ASIC2: variants seen among roughly 807,000 people sequenced by gnomAD.
ASIC2 encodes the protein acid-sensing ion channel 2.
ASIC2 carries 25 observed loss-of-function variants against 57.3 expected under a neutral mutation model. The observed-to-expected ratio is 0.44, with a 90% confidence interval of 0.32 to 0.61. ASIC2 has a LOEUF of 0.61. Ranked by LOEUF, ASIC2 falls within the 20% of genes least tolerant of loss-of-function variation. The pLI, the probability that ASIC2 is intolerant of heterozygous loss-of-function variation, is 0.06. For synonymous variants in ASIC2, 319 were observed against 307.5 expected (o/e 1.04, Z -0.39); for missense variants, 641 against 738.1 (o/e 0.87, Z 1.52).
intron 1 of ASIC2, among the ~76,000 whole-genome samples, chr17:33,267,924 C>G (rs1909530777): frequency 6.6e-6 from 1 of 152,172 alleles, no homozygotes; most frequent in Non-Finnish European, 1.5e-5. Context: ...CACCTAGCAG[C>G]TATTCTCTCT....
intron 1 of ASIC2, among the ~76,000 whole-genome samples, chr17:33,824,454 A>AT (rs1270995381): frequency 1.3e-5 from 2 of 151,842 alleles, no homozygotes; most frequent in African/African-American, 2.4e-5. Context: ...CATATATATA[A>AT]TTTTTTAAAG....
intron 1 of ASIC2, among the ~76,000 whole-genome samples, chr17:33,561,263 C>T (rs1007852425): frequency 6.6e-6 from 1 of 152,102 alleles, no homozygotes; most frequent in South Asian, 2.1e-4. Flanking sequence ...CAGCTTTATC[C>T]TGGAGTCCGG....
intron 3 of ASIC2, among the ~76,000 whole-genome samples, chr17:33,074,496 G>C (rs1293486841): frequency 6.6e-6 from 1 of 152,126 alleles, no homozygotes; most frequent in African/African-American, 2.4e-5. Context: ...GAGCACCTGG[G>C]GTTCCTCACG....
At chr17:33,732,980 G>T (rs983554206) in intron 1 of ASIC2, among the ~76,000 whole-genome samples, 2 of 152,140 alleles carry the variant, frequency 1.3e-5, no homozygotes, top group Admixed American at 6.5e-5. Context: ...ATCTTTGAAA[G>T]GACACACAAG....
At position 33,399,197 on chromosome 17, in the gene ASIC2, A is replaced by G. The variant is rs559651937; in HGVS notation, c.556-287130T>C. Among the ~76,000 whole-genome samples the G allele has an allele frequency of 5.9e-5, 9 of 152,312 alleles. No individual in the cohort carries two copies. The South Asian group carries it at 1.0e-3, about 18-fold the overall frequency. ...TCCTGGGCCTTGAGTTCTGTCCTTC[A>G]TGAGGCCCTTCTTTCTCTACTGCCC... is the stretch of plus-strand genomic sequence containing the variant. On this transcript the variant is annotated intron_variant, in intron 1 of 9. Transcript: ENST00000359872.
chr17:33,942,757 A>G (rs1164887657), intron 1 of ASIC2, among the ~76,000 whole-genome samples: 1 of 152,210 alleles, frequency 6.6e-6, no homozygotes, highest in African/African-American at 2.4e-5. Context: ...TAAGTTGAAC[A>G]GCAAGGGCTG....
chr17:33,664,838 G>A (rs940993239), intron 1 of ASIC2, among the ~76,000 whole-genome samples: 3 of 152,272 alleles, frequency 2.0e-5, no homozygotes, highest in Admixed American at 6.5e-5. Flanking sequence ...GCAAGAAACC[G>A]TGAGCTGAAA....
chr17:33,134,535 C>T (rs1288423989), intron 1 of ASIC2, among the ~76,000 whole-genome samples: 3 of 152,222 alleles, frequency 2.0e-5, no homozygotes, highest in Non-Finnish European at 4.4e-5. Context: ...TTTAAAGTTC[C>T]TCAGAGCCTG....
chr17:33,892,993 T>G (rs1915003631), intron 1 of ASIC2, among the ~76,000 whole-genome samples: 1 of 152,238 alleles, frequency 6.6e-6, no homozygotes, highest in Non-Finnish European at 1.5e-5. Flanking sequence ...CTGCAAGATT[T>G]ATGACCCAAT....
intron 3 of ASIC2, among the ~76,000 whole-genome samples, chr17:33,031,080 G>A (rs753841712): frequency 1.3e-5 from 2 of 152,054 alleles, no homozygotes; most frequent in African/African-American, 2.4e-5. Flanking sequence ...TACGGACTTG[G>A]TACCATTTCT....
intron 1 of ASIC2, among the ~76,000 whole-genome samples, chr17:33,914,276 G>A (rs546860089): frequency 2.6e-5 from 4 of 152,276 alleles, no homozygotes; most frequent in Non-Finnish European, 5.9e-5. Flanking sequence ...CTTTCATTAC[G>A]AAAGTTGGCC....
chr17:33,896,689 C>G (rs1268803934), intron 1 of ASIC2, among the ~76,000 whole-genome samples: 1 of 152,200 alleles, frequency 6.6e-6, no homozygotes, highest in African/African-American at 2.4e-5. Context: ...ATGACAGAGT[C>G]TTGGCCCTTT....
intron 1 of ASIC2, among the ~76,000 whole-genome samples, chr17:33,376,157 A>G (rs936919814): frequency 1.5e-4 from 23 of 152,192 alleles, no homozygotes; most frequent in Non-Finnish European, 3.2e-4. Flanking sequence ...ACACTCCAGT[A>G]TTTAGAGGCT....
At chr17:33,939,021 C>T (rs1342902749) in intron 1 of ASIC2, among the ~76,000 whole-genome samples, 2 of 152,244 alleles carry the variant, frequency 1.3e-5, no homozygotes, top group South Asian at 2.1e-4. Context: ...AGCCCTCCCA[C>T]CCAGGCAGTT....
chr17:34,064,186 C>T (rs191883591), intron 1 of ASIC2, among the ~76,000 whole-genome samples: 1 of 152,206 alleles, frequency 6.6e-6, no homozygotes, highest in African/African-American at 2.4e-5. Flanking sequence ...GGCACATAGA[C>T]CAATGGAACA....
intron 1 of ASIC2, among the ~76,000 whole-genome samples, chr17:33,854,420 C>G (rs548825567): frequency 6.6e-6 from 1 of 152,178 alleles, no homozygotes; most frequent in East Asian, 1.9e-4. Context: ...CATGTTTATG[C>G]ACATGGGCAT....
At chr17:34,087,004 CTG>C (rs1910135335) in intron 1 of ASIC2, among the ~76,000 whole-genome samples, 1 of 152,140 alleles carries the variant, frequency 6.6e-6, no homozygotes, top group South Asian at 2.1e-4. Context: ...ATTTGCCAGT[CTG>C]TGTCTTTTAA....
At chr17:33,057,538 G>A (rs2092002864) in intron 3 of ASIC2, among the ~76,000 whole-genome samples, 1 of 152,218 alleles carries the variant, frequency 6.6e-6, no homozygotes, top group East Asian at 1.9e-4. Context: ...ATCTTTGCAG[G>A]GCTGGCTTTG....
At chr17:33,170,033 G>C (rs1309401582) in intron 1 of ASIC2, among the ~76,000 whole-genome samples, 1 of 152,200 alleles carries the variant, frequency 6.6e-6, no homozygotes, top group Non-Finnish European at 1.5e-5. Flanking sequence ...AGAGGAGAGA[G>C]AGCTTTCTGG....
Sources: allele counts gnomAD v4.1 joint callset (sites outside exome capture counted in the v4.1 genomes callset), GRCh38; gene constraint gnomAD v4.1.1; transcripts MANE v1.5; gene names NCBI Gene and HGNC (gene_info 2026-07-23, HGNC 2026-07-21).